The following SCYL2 variants were observed in gnomAD, a reference collection of about 807,000 sequenced individuals.
SCYL2 encodes the protein SCY1 like pseudokinase 2, also known as SCY1-like protein 2.
Under a neutral mutation model 100.4 loss-of-function variants are expected in SCYL2, and 36 were observed. The ratio of observed to expected loss-of-function variants is 0.36; its 90% CI spans 0.27 to 0.47. SCYL2 has a LOEUF of 0.47. Ranked by LOEUF, SCYL2 falls within the 20% of genes least tolerant of loss-of-function variation. SCYL2 has a pLI of 1.00. For synonymous variants in SCYL2, 330 were observed against 359.2 expected, an observed-to-expected ratio of 0.92 and a Z score of 0.92; for missense variants, 902 against 1,083.9, an observed-to-expected ratio of 0.83 and a Z score of 2.36.
rs1952354438 is a variant in SCYL2, at chr12:100,341,617, C to A, written c.*2445C>A. On this transcript the variant is annotated 3_prime_UTR_variant, in exon 18 of 18. Coordinates refer to ENST00000360820, the MANE Select transcript of SCYL2 (RefSeq NM_017988.6). Reference sequence around the variant, plus strand: ...TTGTTTTCTTTTGACCTGTAAAATACCTCACATGGTTGTTTTTACACATGA... The same window carrying A: ...TTGTTTTCTTTTGACCTGTAAAATAACTCACATGGTTGTTTTTACACATGA... 1 of 152,138 alleles carries A rather than the reference C, an allele frequency of 6.6e-6. No individual in the cohort carries two copies. The allele number at this position is 152,138 out of a possible 1,614,324, so 9.4% of individuals were successfully genotyped here. A position where few individuals can be genotyped will look rare whatever the true frequency, so the allele number is the denominator to read the frequency against.
At chr12:100,301,531 C>T (rs946675543) in intron 4 of SCYL2, among the ~76,000 whole-genome samples, 22 of 152,262 alleles carry the variant, frequency 1.4e-4, no homozygotes, top group African/African-American at 4.8e-4. Context: ...GTTTTTGCTT[C>T]GGTTACCTGT....
chr12:100,323,763 T>C (rs908023362), intron 11 of SCYL2, 125 bp downstream of exon 11: 3 of 538,524 alleles, frequency 5.6e-6, no homozygotes, highest in Non-Finnish European at 9.7e-6. Flanking sequence ...AGATAACTTG[T>C]ATATAGTACT....
Position 100,326,736 on chromosome 12 carries a change from G to A in SCYL2, c.1624G>A (p.Val542Ile). The change falls in exon 12 of 18, where the codon GTC (valine) becomes ATC (isoleucine). Residue 542 changes from valine to isoleucine, a missense_variant. By Grantham distance (29) the Val-to-Ile change is conservative. Transcript: ENST00000360820. ...ACAAATTCCATCCAAGGAACCTGCG[G>A]TCCTCATGGGAATTTTAGGTAGCTG... ...LQQIPSKEPA[V>I]LMGILGIYKC... 6.2e-7 allele frequency: 1 copy of A among 1,607,662 alleles called. No individual in the cohort carries two copies. The highest frequency in any genetic ancestry group is 1.7e-4 in the Middle Eastern group (1 of 6,020).
intron 2 of SCYL2, among the ~76,000 whole-genome samples, chr12:100,284,652 G>A (rs999364179): frequency 2.0e-5 from 3 of 152,046 alleles, no homozygotes; most frequent in Admixed American, 6.5e-5. Context: ...TAGTAGAGAC[G>A]GGGTTTCACC....
At chr12:100,303,486 T>C (rs1410199727) in intron 4 of SCYL2, among the ~76,000 whole-genome samples, 1 of 152,228 alleles carries the variant, frequency 6.6e-6, no homozygotes, top group Admixed American at 6.5e-5. Flanking sequence ...CTTTTCTGTT[T>C]GTTAATTTTC....
intron 1 of SCYL2, among the ~76,000 whole-genome samples, chr12:100,280,543 A>G (rs2096296917): frequency 6.6e-6 from 1 of 152,340 alleles, no homozygotes; most frequent in South Asian, 2.1e-4. Context: ...AACTTTCTTC[A>G]ACTAAAGATG....
rs372033833 is a variant in SCYL2, at chr12:100,338,239, A to G, written c.2146-289A>G. The stretch of plus-strand genomic sequence containing the variant: ...AAAAAATTACTGTATTTTTTGTAAT[A>G]TAGAATAAGAAGAATGCGATTCTTT... On this transcript the variant is annotated intron_variant, in intron 17 of 17. Transcript: ENST00000360820. 2.0e-5 allele frequency among the ~76,000 whole-genome samples: 3 copies of G among 152,228 alleles called. No homozygotes were observed. The East Asian group carries it at 5.8e-4, about 29-fold the overall frequency.
intron 1 of SCYL2, among the ~76,000 whole-genome samples, chr12:100,280,071 A>G (rs1301333846): frequency 1.3e-5 from 2 of 152,120 alleles, no homozygotes; most frequent in Non-Finnish European, 2.9e-5. Flanking sequence ...CTCTGGGGCA[A>G]TCCTGGTTCT....
intron 1 of SCYL2, among the ~76,000 whole-genome samples, chr12:100,272,008 C>T (rs943642860): frequency 1.3e-5 from 2 of 152,052 alleles, no homozygotes; most frequent in Non-Finnish European, 2.9e-5. Context: ...CTACTTTCTG[C>T]CAGGTGCACG....
intron 13 of SCYL2, among the ~76,000 whole-genome samples, chr12:100,332,889 A>G (rs183454740): frequency 1.2e-3 from 182 of 151,312 alleles, no homozygotes; most frequent in African/African-American, 4.4e-3. Flanking sequence ...TAATTTTTGT[A>G]TTTTTTTGTA....
intron 9 of SCYL2, among the ~76,000 whole-genome samples, chr12:100,316,226 A>C (rs900644937): frequency 1.3e-5 from 2 of 152,210 alleles, no homozygotes; most frequent in Non-Finnish European, 2.9e-5. Context: ...AATAATGTGT[A>C]TATGTATTGT....
intron 1 of SCYL2, among the ~76,000 whole-genome samples, chr12:100,275,510 T>C (rs533771631): frequency 6.6e-6 from 1 of 152,332 alleles, no homozygotes; most frequent in East Asian, 1.9e-4. Flanking sequence ...AATACAATCT[T>C]TTCAAATATG....
chr12:100,276,079 C>T (rs78092760), intron 1 of SCYL2, among the ~76,000 whole-genome samples: 112 of 152,186 alleles, frequency 7.4e-4, no homozygotes, highest in African/African-American at 2.6e-3. Context: ...TACATATTAA[C>T]GAGGGACATT....
At chr12:100,294,438 C>G in intron 3 of SCYL2, among the ~76,000 whole-genome samples, 2 of 119,038 alleles carry the variant, frequency 1.7e-5, no homozygotes, top group Non-Finnish European at 3.6e-5. Flanking sequence ...GGGGGCTCCT[C>G]ACTTCCCAGT....
chr12:100,335,765 C>T lies in SCYL2; in HGVS notation c.1930-46C>T, dbSNP rs770929924. ...TTTTAATCTTTAAGCAGCAAAATCA[C>T]ATTTTTATTGAACTTATTTAAATTA... On this transcript the variant is annotated intron_variant, in intron 15 of 17. Coordinates refer to ENST00000360820, the MANE Select transcript of SCYL2 (RefSeq NM_017988.6). The T allele has an allele frequency of 1.7e-5, 27 of 1,596,776 alleles. No individual in the cohort carries two copies. The Admixed American group carries it at 4.4e-4, about 26-fold the overall frequency.
At chr12:100,270,288 A>G (rs1224062786) in intron 1 of SCYL2, among the ~76,000 whole-genome samples, 1 of 152,044 alleles carries the variant, frequency 6.6e-6, no homozygotes, top group Non-Finnish European at 1.5e-5. Context: ...CGCCTGGCCG[A>G]GATTTTATAC....
chr12:100,281,286 C>T (rs2096298118), intron 1 of SCYL2, among the ~76,000 whole-genome samples: 1 of 151,982 alleles, frequency 6.6e-6, no homozygotes, highest in South Asian at 2.1e-4. Flanking sequence ...CCATCAGCCT[C>T]CTAAAGTGCT....
intron 2 of SCYL2, among the ~76,000 whole-genome samples, chr12:100,287,036 A>T (rs1260826459): frequency 6.6e-6 from 1 of 152,148 alleles, no homozygotes; most frequent in Non-Finnish European, 1.5e-5. Context: ...GAAGTGTGTG[A>T]TGCTTGACAG....
At chr12:100,269,844 G>A (rs547194583) in intron 1 of SCYL2, among the ~76,000 whole-genome samples, 28 of 152,200 alleles carry the variant, frequency 1.8e-4, no homozygotes, top group African/African-American at 6.7e-4. Flanking sequence ...GATTCCAAAG[G>A]TTTGAGATAC....
Sources: allele counts gnomAD v4.1 joint callset (sites outside exome capture counted in the v4.1 genomes callset), GRCh38; gene constraint gnomAD v4.1.1; transcripts MANE v1.5; gene names NCBI Gene and HGNC (gene_info 2026-07-23, HGNC 2026-07-21).